TASOR2: variants seen among roughly 807,000 people sequenced by gnomAD.
The protein encoded by TASOR2 is protein TASOR 2.
A neutral mutation model predicts 199.5 loss-of-function variants in TASOR2; 84 were observed. The ratio of observed to expected loss-of-function variants is 0.42; its 90% CI spans 0.35 to 0.50. The LOEUF (loss-of-function observed/expected upper bound fraction) is 0.50, where lower values mean the gene tolerates loss of function less well. TASOR2 is among the 20% of genes least tolerant of loss of function. The pLI, the probability that TASOR2 is intolerant of heterozygous loss-of-function variation, is 0.02. For missense variants in TASOR2, 2,796 were observed against 2,835.9 expected, an observed-to-expected ratio of 0.99 and a Z score of 0.32; for synonymous variants, 1,103 against 1,046.6, an observed-to-expected ratio of 1.05 and a Z score of -1.04.
chr10:5,721,441 GGTTCATCCT>G (rs1833345939), intron 6 of TASOR2, among the ~76,000 whole-genome samples: 1 of 151,930 alleles, frequency 6.6e-6, no homozygotes, highest in African/African-American at 2.4e-5. Context: ...AAATCTTTTT[GGTTCATCCT>G]GTTCTTAGTT....
rs768459366 is a variant in TASOR2 at position 5,736,992 on chromosome 10, ACT to A, written c.1447+1449_1447+1450del. On this transcript the variant is annotated intron_variant, in intron 12 of 20. Coordinates refer to ENST00000328090, the Ensembl canonical transcript of TASOR2. ...TTGTTTTGTTTTGAGATAGAATCTC[ACT>A]CTGTCACCAGGCTGGAGTGCAGTAG... Among the ~76,000 whole-genome samples the A allele has an allele frequency of 6.3e-4, 96 of 152,144 alleles. 1 individual carries two copies. The highest frequency in any genetic ancestry group is 2.8e-3 in the Admixed American group (43 of 15,270).
chr10:5,733,571 C>T (rs891619996), intron 11 of TASOR2, among the ~76,000 whole-genome samples: 3 of 152,186 alleles, frequency 2.0e-5, no homozygotes, highest in Non-Finnish European at 4.4e-5. Flanking sequence ...TAATTGCATT[C>T]AGTTTGAGAA....
At chr10:5,733,311 C>T (rs1277943143) in intron 11 of TASOR2, among the ~76,000 whole-genome samples, 1 of 152,064 alleles carries the variant, frequency 6.6e-6, no homozygotes, top group Non-Finnish European at 1.5e-5. Flanking sequence ...AGTTCGAGAC[C>T]TGCCTGGCCA....
Position 5,685,360 on chromosome 10 carries a change from T to C in TASOR2, c.-288+185T>C, listed in dbSNP as rs2282457. On this transcript the variant is annotated intron_variant, in intron 1 of 20. Coordinates refer to ENST00000328090, the Ensembl canonical transcript of TASOR2. The surrounding 1 kb of genome is among the most constrained non-coding windows in gnomAD (Gnocchi z 5.4). ...GCCTTCTAGATGACTCAACCTTCTG[T>C]CCTGCGCTACAACCTGTGGCCGCGC... 0.25 allele frequency among the ~76,000 whole-genome samples: 37,911 copies of C among 151,434 alleles called. 5,355 individuals carry two copies. Among genetic ancestry groups the C allele is most frequent in the Non-Finnish European group, 0.32 (21,696 of 67,838 alleles).
At chr10:5,729,423 C>T (rs958790400) in intron 10 of TASOR2, among the ~76,000 whole-genome samples, 1 of 145,548 alleles carries the variant, frequency 6.9e-6, no homozygotes, top group Non-Finnish European at 1.5e-5. Flanking sequence ...ACGTTGTGCC[C>T]GGAGTGGTGG....
At chr10:5,762,644 T>C in exon 20 of TASOR2, 1 of 1,337,820 alleles carries the variant, frequency 7.5e-7, no homozygotes, top group Non-Finnish European at 1.0e-6. Flanking sequence ...GGAGTAGCTA[T>C]TGGTAAGAAC....
intron 19 of TASOR2, 59 bp from the exon 21 acceptor site, chr10:5,762,473 G>A: frequency 2.3e-6 from 1 of 433,744 alleles, no homozygotes; most frequent in Admixed American, 4.8e-5. Flanking sequence ...ACCAGGTCCT[G>A]TTATATAAAA....
At chr10:5,729,222 G>T (rs1834466676) in intron 10 of TASOR2, among the ~76,000 whole-genome samples, 1 of 152,160 alleles carries the variant, frequency 6.6e-6, no homozygotes, top group Non-Finnish European at 1.5e-5. Context: ...GGTGGCACAT[G>T]CATATAATTC....
In TASOR2 at chr10:5,752,298, G is replaced by C. The variant is rs1472954177; in HGVS notation, c.6606+2271G>C. ...GAAAGTGATGGTAAATGTGACGCAG[G>C]TGCCACGAGGACGCATTGAGGGTGA... On this transcript the variant is annotated intron_variant, in intron 15 of 20. Coordinates refer to ENST00000328090, the Ensembl canonical transcript of TASOR2. This position sits in a 1 kb window ranked among gnomAD's most constrained non-coding sequence, Gnocchi z 4.4. Among the ~76,000 whole-genome samples the C allele has an allele frequency of 5.9e-5, 9 of 152,240 alleles. No homozygotes were observed. The highest frequency in any genetic ancestry group is 5.9e-4 in the Admixed American group (9 of 15,292).
At chr10:5,735,641 A>G (rs1426015991) in intron 12 of TASOR2, 95 bp downstream of exon 13, 9 of 1,420,116 alleles carry the variant, frequency 6.3e-6, no homozygotes, top group Non-Finnish European at 5.6e-6. Flanking sequence ...AGCAGTTGCA[A>G]TGTCCCAATA....
At chr10:5,755,342 G>T (rs1453029177) in intron 15 of TASOR2, among the ~76,000 whole-genome samples, 1 of 152,114 alleles carries the variant, frequency 6.6e-6, no homozygotes, top group Non-Finnish European at 1.5e-5. Context: ...GGAGGCCAAG[G>T]CAGGCGGATC....
Position 5,742,340 on chromosome 10 carries a change from A to T in TASOR2, c.2571A>T (p.Glu857Asp), listed in dbSNP as rs766202000. 9 of 1,614,152 alleles carry T rather than the reference A, an allele frequency of 5.6e-6. No homozygotes were observed. The South Asian group carries it at 9.9e-5, about 18-fold the overall frequency. The change falls in exon 14 of 21, where the codon GAA (glutamate) becomes GAT (aspartate). Residue 857 changes from glutamate to aspartate, a missense_variant. By Grantham distance (45) the Glu-to-Asp change is conservative. Transcript: ENST00000328090. This position sits in a 1 kb window ranked among gnomAD's most constrained non-coding sequence, Gnocchi z 4.2. ...CAGACTCTCTGTTGGAGACTAACGA[A>T]ATTTCCAGGGCTCATGCTGCTGAAG...
intron 1 of TASOR2, chr10:5,712,222 A>G (rs994402883): frequency 1.1e-4 from 45 of 396,198 alleles, no homozygotes; most frequent in African/African-American, 8.5e-4. Context: ...TAATTTATTT[A>G]GGTTATTTTC....
At position 5,706,804 on chromosome 10, in the gene TASOR2, A is replaced by T. The variant is rs1384609021; in HGVS notation, c.-287-6019A>T. On this transcript the variant is annotated intron_variant, in intron 1 of 20. Transcript: ENST00000328090. This position sits in a 1 kb window ranked among gnomAD's most constrained non-coding sequence, Gnocchi z 4.8. ...GATCACTTGAGGCCAGGAGTTCGAGACCAACCTGGCTAACATGGTGAAATC... is the reference window on the plus strand; with the variant it reads ...GATCACTTGAGGCCAGGAGTTCGAGTCCAACCTGGCTAACATGGTGAAATC... 6.6e-6 allele frequency among the ~76,000 whole-genome samples: 1 copy of T among 152,052 alleles called. No homozygotes were observed. The highest frequency in any genetic ancestry group is 1.5e-5 in the Non-Finnish European group (1 of 68,004).
rs1564256484 is a variant in TASOR2 at position 5,699,208 on chromosome 10, A to G, written c.-287-13615A>G. Among the ~76,000 whole-genome samples the G allele has an allele frequency of 6.6e-6, 1 of 152,176 alleles. No individual in the cohort carries two copies. On this transcript the variant is annotated intron_variant, in intron 1 of 20. Coordinates refer to ENST00000328090, the Ensembl canonical transcript of TASOR2. The surrounding 1 kb of genome is among the most constrained non-coding windows in gnomAD (Gnocchi z 4.1). ...TGAACTTCAAAAACAGGCTAAGTGA[A>G]AGAAGCCAATCATGAAGGACCGCGT...
chr10:5,705,392 T>A (rs1838450055), intron 1 of TASOR2, among the ~76,000 whole-genome samples: 1 of 152,216 alleles, frequency 6.6e-6, no homozygotes, highest in Admixed American at 6.5e-5. Flanking sequence ...CACCTATTGA[T>A]GAATATTGGA....
chr10:5,740,131 A>G lies in TASOR2; in HGVS notation c.1961A>G (p.His654Arg), dbSNP rs1836191982. ...CAAAGCTCTTCTGTTTCTGTGGAAC[A>G]TTCATATGCCCTGCTCCTTACAGAA... Residue 654 changes from histidine (H) to arginine (R), a missense_variant, in exon 13 of 21, where the codon CAT becomes CGT. By Grantham distance (29) the His-to-Arg change is conservative. Around this residue, in one of 3 missense-constraint regions of TASOR2, gnomAD observed 847 missense variants for 887.4 expected, o/e 0.95. Coordinates refer to ENST00000328090, the Ensembl canonical transcript of TASOR2. This position sits in a 1 kb window ranked among gnomAD's most constrained non-coding sequence, Gnocchi z 5.3. 1 of 1,614,194 alleles carries G rather than the reference A, an allele frequency of 6.2e-7. No homozygotes were observed. The highest frequency in any genetic ancestry group is 8.5e-7 in the Non-Finnish European group (1 of 1,180,034).
At chr10:5,735,543 C>A (rs1366855995) in exon 12 of TASOR2, 1 of 1,612,750 alleles carries the variant, frequency 6.2e-7, no homozygotes, top group Non-Finnish European at 8.5e-7. Context: ...GCAGCTACAA[C>A]CTGGTAAGAA....
intron 8 of TASOR2, among the ~76,000 whole-genome samples, chr10:5,726,434 A>G (rs988074052): frequency 2.6e-5 from 4 of 152,200 alleles, no homozygotes; most frequent in South Asian, 2.1e-4. Context: ...GAAGTATTCT[A>G]TTGGATGGTA....
Sources: allele counts gnomAD v4.1 joint callset (sites outside exome capture counted in the v4.1 genomes callset), GRCh38; gene constraint gnomAD v4.1.1; regional missense constraint gnomAD v4.1.1; non-coding constraint Gnocchi (gnomAD v3.1); transcripts MANE v1.5; gene names NCBI Gene and HGNC (gene_info 2026-07-23, HGNC 2026-07-21).